The following SMCHD1 variants were observed in gnomAD, a reference collection of about 807,000 sequenced individuals.
SMCHD1 encodes the protein structural maintenance of chromosomes flexible hinge domain-containing protein 1.
Under a neutral mutation model 254.7 loss-of-function variants are expected in SMCHD1, and 78 were observed. That is an observed-to-expected ratio of 0.31 (90% confidence interval 0.26 to 0.37). The LOEUF (loss-of-function observed/expected upper bound fraction) is 0.37, where lower values mean the gene tolerates loss of function less well. Among genes scored for constraint, SMCHD1 ranks in the 10% least tolerant of loss-of-function variants. SMCHD1 has a pLI of 1.00. For missense variants in SMCHD1, 1,840 were observed against 2,408.1 expected, an observed-to-expected ratio of 0.76 and a Z score of 4.94; for synonymous variants, 766 against 794.9, an observed-to-expected ratio of 0.96 and a Z score of 0.61.
chr18:2,754,391 TA>T (rs1413902835), intron 34 of SMCHD1, among the ~76,000 whole-genome samples: 1 of 152,260 alleles, frequency 6.6e-6, no homozygotes, highest in African/African-American at 2.4e-5. Flanking sequence ...ATGAGCAAGG[TA>T]AAAAGCTCAT....
At chr18:2,716,703 GA>G (rs2074807795) in intron 17 of SMCHD1, among the ~76,000 whole-genome samples, 1 of 152,216 alleles carries the variant, frequency 6.6e-6, no homozygotes, top group African/African-American at 2.4e-5. Flanking sequence ...CCAGCATGGG[GA>G]AAGTGGGGTC....
At chr18:2,682,611 C>T (rs1029357210) in intron 5 of SMCHD1, among the ~76,000 whole-genome samples, 9 of 152,218 alleles carry the variant, frequency 5.9e-5, no homozygotes, top group Non-Finnish European at 1.3e-4. Flanking sequence ...CGTGAGCCAC[C>T]GCGCCCGGCC....
intron 21 of SMCHD1, among the ~76,000 whole-genome samples, chr18:2,725,643 C>A (rs1009724805): frequency 2.0e-5 from 3 of 151,510 alleles, no homozygotes; most frequent in African/African-American, 7.3e-5. Flanking sequence ...AAAAATTTTC[C>A]CTATCCGTGT....
At chr18:2,712,986 C>T (rs1432637792) in intron 17 of SMCHD1, among the ~76,000 whole-genome samples, 1 of 152,170 alleles carries the variant, frequency 6.6e-6, no homozygotes, top group Non-Finnish European at 1.5e-5. Context: ...CCCCAGTTTT[C>T]CCAACTCTAG....
intron 14 of SMCHD1, 31 bp from the exon 15 acceptor site, chr18:2,706,333 C>A (rs201314960): frequency 7.1e-7 from 1 of 1,410,748 alleles, no homozygotes; most frequent in South Asian, 1.4e-5. Context: ...AAATAGTTTT[C>A]TTTGAAATGT....
chr18:2,730,029 G>A (rs766905329), intron 24 of SMCHD1, among the ~76,000 whole-genome samples: 1 of 151,914 alleles, frequency 6.6e-6, no homozygotes, highest in Non-Finnish European at 1.5e-5. Context: ...GCTTTTTATC[G>A]TTCTCATTTG....
intron 47 of SMCHD1, among the ~76,000 whole-genome samples, chr18:2,802,319 G>T (rs1246135742): frequency 6.6e-6 from 1 of 152,112 alleles, no homozygotes; most frequent in Non-Finnish European, 1.5e-5. Flanking sequence ...TACTGTGTGT[G>T]TGTTAACTAC....
At position 2,700,526 on chromosome 18, in the gene SMCHD1, C is replaced by T. The variant is rs768726679; in HGVS notation, c.1343-13C>T. Reference sequence around the variant, plus strand: ...GCAATAAACATTTTGTTCCATTTGCCCTTTTGATCTAGAATTAAAAGATGA... The same window carrying T: ...GCAATAAACATTTTGTTCCATTTGCTCTTTTGATCTAGAATTAAAAGATGA... On this transcript the variant is annotated splice_polypyrimidine_tract_variant and intron_variant, in intron 10 of 47. Transcript: ENST00000320876. 3.1e-6 allele frequency: 5 copies of T among 1,592,032 alleles called. No homozygotes were observed. In the South Asian group the frequency reaches 5.8e-5, roughly 18 times the overall value.
intron 10 of SMCHD1, among the ~76,000 whole-genome samples, chr18:2,699,598 C>G (rs2074356463): frequency 6.6e-6 from 1 of 152,190 alleles, no homozygotes; most frequent in East Asian, 1.9e-4. Flanking sequence ...CCTCAGCTTC[C>G]CAAAGTGCTA....
At chr18:2,713,935 A>G (rs1212942545) in intron 17 of SMCHD1, among the ~76,000 whole-genome samples, 1 of 152,196 alleles carries the variant, frequency 6.6e-6, no homozygotes, top group Non-Finnish European at 1.5e-5. Context: ...GATGAGAAGA[A>G]TGTATATTCC....
At chr18:2,713,063 G>A (rs1427397642) in intron 17 of SMCHD1, among the ~76,000 whole-genome samples, 3 of 152,132 alleles carry the variant, frequency 2.0e-5, no homozygotes, top group Non-Finnish European at 2.9e-5. Flanking sequence ...TTTGGAAAGC[G>A]TCAGGTAGTA....
At chr18:2,763,467 C>T (rs1367548055) in intron 36 of SMCHD1, among the ~76,000 whole-genome samples, 170 bp from the exon 37 acceptor site, 1 of 152,160 alleles carries the variant, frequency 6.6e-6, no homozygotes, top group Non-Finnish European at 1.5e-5. Flanking sequence ...GGAACTATTT[C>T]TTGCCTGTGG....
chr18:2,763,802 T>C lies in SMCHD1; in HGVS notation c.4719+13T>C. The C allele has an allele frequency of 6.2e-7, 1 of 1,601,474 alleles. No individual in the cohort carries two copies. Among genetic ancestry groups the C allele is most frequent in the South Asian group, 1.1e-5 (1 of 88,666 alleles). ...GGCTGAAATCATGGTAAATTTTTTA[T>C]ATCTTTTGGTAGATAGAATTTCTGT... On this transcript the variant is annotated intron_variant, in intron 37 of 47. Coordinates refer to ENST00000320876, the MANE Select transcript of SMCHD1 (RefSeq NM_015295.3).
chr18:2,778,318 A>G, intron 44 of SMCHD1, 79 bp downstream of exon 44: 1 of 1,005,374 alleles, frequency 9.9e-7, no homozygotes, highest in Non-Finnish European at 1.5e-6. Context: ...ACATATACAA[A>G]CGACTAGCCT....
At chr18:2,695,791 C>T (rs558659703) in intron 8 of SMCHD1, among the ~76,000 whole-genome samples, 7 of 152,112 alleles carry the variant, frequency 4.6e-5, no homozygotes, top group South Asian at 2.1e-4. Flanking sequence ...CAATTTTATA[C>T]GTAATTATAC....
chr18:2,787,738 TAC>T (rs951399085), intron 45 of SMCHD1, among the ~76,000 whole-genome samples: 8 of 152,208 alleles, frequency 5.3e-5, no homozygotes, highest in Admixed American at 5.2e-4. Flanking sequence ...CACTCCCACA[TAC>T]AGACTAATGA....
intron 34 of SMCHD1, 109 bp from the exon 35 acceptor site, chr18:2,760,543 T>G (rs2075767290): frequency 1.4e-6 from 1 of 692,144 alleles, no homozygotes; most frequent in East Asian, 2.7e-5. Context: ...AGTAGTTCTA[T>G]TCTTCCTACT....
At chr18:2,777,243 C>T (rs1437589130) in intron 42 of SMCHD1, among the ~76,000 whole-genome samples, 4 of 152,108 alleles carry the variant, frequency 2.6e-5, no homozygotes, top group Admixed American at 2.6e-4. Flanking sequence ...TGGTATTCTC[C>T]CTCTTACTGG....
intron 30 of SMCHD1, among the ~76,000 whole-genome samples, chr18:2,749,513 C>T (rs2075531964): frequency 6.6e-6 from 1 of 152,132 alleles, no homozygotes; most frequent in Non-Finnish European, 1.5e-5. Context: ...GGAAATGTGG[C>T]CACTGATTCT....
Sources: gnomAD v4.1 joint callset for allele counts (sites outside exome capture counted in the v4.1 genomes callset) on GRCh38, gnomAD v4.1.1 for gene constraint, MANE v1.5 for transcripts, NCBI Gene and HGNC (gene_info 2026-07-23, HGNC 2026-07-21) for gene names.